TPX2: variants seen among roughly 807,000 people sequenced by gnomAD.
The protein encoded by TPX2 is TPX2 microtubule nucleation factor.
In TPX2, 21 loss-of-function variants were observed where a neutral mutation model predicts 93.6. That is an observed-to-expected ratio of 0.22 (90% CI 0.16 to 0.32). TPX2 has a LOEUF of 0.32. Ranked by LOEUF, TPX2 falls within the 10% of genes least tolerant of loss-of-function variation. The pLI is 1.00. For synonymous variants in TPX2, 281 were observed against 298.3 expected, an observed-to-expected ratio of 0.94 and a Z score of 0.60; for missense variants, 776 against 871.1, an observed-to-expected ratio of 0.89 and a Z score of 1.37.
In TPX2 at chr20:31,801,252, A is replaced by G. The variant is rs1374906258; in HGVS notation, c.*172A>G. ...ACTGTGGACTCCAGTTTTGTTGAGA[A>G]TTGTTTTCTTACATTACTAAGGCTA... On this transcript the variant is annotated 3_prime_UTR_variant, in exon 18 of 18. Coordinates refer to ENST00000300403, the MANE Select transcript of TPX2 (RefSeq NM_012112.5). 3 of 579,628 alleles carry G rather than the reference A, an allele frequency of 5.2e-6. No homozygotes were observed. Among genetic ancestry groups the G allele is most frequent in the Non-Finnish European group, 9.2e-6 (3 of 324,708 alleles). The allele number at this position is 579,628 out of a possible 1,614,324, so 35.9% of individuals were successfully genotyped here.
chr20:31,782,891 C>T (rs78633027), intron 11 of TPX2, among the ~76,000 whole-genome samples: 2 of 6,882 alleles, frequency 2.9e-4, no homozygotes, highest in South Asian at 4.1e-3. Context: ...TACACACATA[C>T]ACACACACAC....
intron 5 of TPX2, among the ~76,000 whole-genome samples, chr20:31,767,405 C>G (rs1737970849): frequency 6.6e-6 from 1 of 151,944 alleles, no homozygotes; most frequent in African/African-American, 2.4e-5. Context: ...GGGTCTTGTT[C>G]TGTCACCCAG....
intron 12 of TPX2, among the ~76,000 whole-genome samples, chr20:31,790,440 G>A (rs933395705): frequency 6.6e-6 from 1 of 152,118 alleles, no homozygotes; most frequent in East Asian, 1.9e-4. Flanking sequence ...ACATTAATTT[G>A]CTTTTAGGAT....
chr20:31,745,328 CTT>C (rs11458149), intron 2 of TPX2, among the ~76,000 whole-genome samples: 89 of 123,206 alleles, frequency 7.2e-4, no homozygotes, highest in African/African-American at 1.9e-3. Flanking sequence ...TAGGTAAACA[CTT>C]TTTTTTTTTT....
chr20:31,764,149 TAC>T (rs1388148282), intron 4 of TPX2, among the ~76,000 whole-genome samples: 5 of 149,358 alleles, frequency 3.3e-5, no homozygotes, highest in Non-Finnish European at 7.5e-5. Flanking sequence ...CATGTATGTG[TAC>T]ATACATGTAC....
At position 31,751,857 on chromosome 20, in the gene TPX2, C is replaced by G. The variant is rs6060925; in HGVS notation, c.-70-5550C>G. The stretch of plus-strand genomic sequence containing the variant: ...TCCTGGGTTCAAGTGATTCTCCTGC[C>G]TCAGCCTCCCGAGTAGCTGGGATTA... On this transcript the variant is annotated intron_variant, in intron 2 of 17. Transcript: ENST00000300403. Among the ~76,000 whole-genome samples the G allele has an allele frequency of 3.3e-5, 5 of 152,198 alleles. No homozygotes were observed. The South Asian group carries it at 1.0e-3, about 32-fold the overall frequency.
At chr20:31,782,121 A>G in intron 10 of TPX2, 128 bp from the exon 11 acceptor site, 1 of 1,231,144 alleles carries the variant, frequency 8.1e-7, no homozygotes, top group Non-Finnish European at 1.1e-6. Flanking sequence ...ATGTAAGCTG[A>G]GCTGACTGTT....
intron 4 of TPX2, among the ~76,000 whole-genome samples, chr20:31,764,125 T>C (rs2061909344): frequency 1.3e-5 from 2 of 151,572 alleles, no homozygotes; most frequent in South Asian, 4.2e-4. Flanking sequence ...TATGTGTGTA[T>C]ATATGTACAT....
intron 2 of TPX2, among the ~76,000 whole-genome samples, chr20:31,743,522 C>CA (rs1206187581): frequency 1.3e-5 from 2 of 151,414 alleles, no homozygotes; most frequent in Non-Finnish European, 2.9e-5. Context: ...CGTGTCTCTA[C>CA]AAAAAAAATA....
intron 13 of TPX2, among the ~76,000 whole-genome samples, chr20:31,793,505 CAT>C (rs2062116048): frequency 1.3e-5 from 2 of 152,174 alleles, no homozygotes; most frequent in Non-Finnish European, 2.9e-5. Flanking sequence ...GTCCCAGTCA[CAT>C]GTTTTAATGA....
intron 9 of TPX2, among the ~76,000 whole-genome samples, chr20:31,778,568 A>T (rs1287267180): frequency 6.6e-6 from 1 of 152,178 alleles, no homozygotes; most frequent in East Asian, 1.9e-4. Context: ...GTTGGGGGGA[A>T]ATTACCTATG....
intron 2 of TPX2, among the ~76,000 whole-genome samples, chr20:31,750,370 T>C (rs1171417732): frequency 1.3e-5 from 2 of 152,062 alleles, no homozygotes; most frequent in Admixed American, 1.3e-4. Flanking sequence ...TTGAGGCTGG[T>C]CTCGAACTCC....
intron 2 of TPX2, among the ~76,000 whole-genome samples, chr20:31,752,860 T>C (rs2376998): frequency 0.42 from 63,360 of 151,998 alleles, 17,059 homozygotes; most frequent in African/African-American, 0.76. Context: ...GTGATCCACC[T>C]GTCTCGGCCT....
intron 1 of TPX2, 34 bp downstream of exon 1, chr20:31,739,655 G>T (rs2061742609): frequency 6.6e-6 from 1 of 152,224 alleles, no homozygotes; most frequent in Non-Finnish European, 1.5e-5. Flanking sequence ...CATGCTAACA[G>T]GTTATAAACA....
At chr20:31,781,891 C>G (rs2062035814) in intron 10 of TPX2, among the ~76,000 whole-genome samples, 1 of 151,838 alleles carries the variant, frequency 6.6e-6, no homozygotes, top group Admixed American at 6.6e-5. Flanking sequence ...TTGTAGTGAG[C>G]CTTTATGCCC....
At chr20:31,766,451 CA>C in intron 4 of TPX2, 104 bp from the exon 5 acceptor site, 2 of 943,152 alleles carry the variant, frequency 2.1e-6, no homozygotes, top group South Asian at 2.2e-5. Context: ...GTGGCTTAGA[CA>C]GGGTGTGTGT....
chr20:31,773,594 G>C (rs1293818993), intron 7 of TPX2, among the ~76,000 whole-genome samples: 1 of 152,128 alleles, frequency 6.6e-6, no homozygotes, highest in Non-Finnish European at 1.5e-5. Context: ...CTGGCCTGAA[G>C]TGCCATTGGC....
intron 4 of TPX2, among the ~76,000 whole-genome samples, chr20:31,762,412 C>T (rs143312553): frequency 0.011 from 1,687 of 152,122 alleles, 21 homozygotes; most frequent in African/African-American, 0.038. Context: ...TGCAGTAGTA[C>T]GATCTCGGCT....
intron 9 of TPX2, 68 bp downstream of exon 9, chr20:31,777,706 G>C (rs2062009995): frequency 1.3e-6 from 2 of 1,532,512 alleles, no homozygotes; most frequent in South Asian, 2.4e-5. Context: ...TGTAGCATTT[G>C]TGGTCACTGT....
Sources: gnomAD v4.1 joint callset for allele counts (sites outside exome capture counted in the v4.1 genomes callset) on GRCh38, gnomAD v4.1.1 for gene constraint, MANE v1.5 for transcripts, NCBI Gene and HGNC (gene_info 2026-07-23, HGNC 2026-07-21) for gene names.